Variants in CACNA1H observed in about 807,000 individuals in gnomAD.
The protein encoded by CACNA1H is calcium voltage-gated channel subunit alpha1 H.
Under a neutral mutation model 192.5 loss-of-function variants are expected in CACNA1H, and 149 were observed. The observed-to-expected ratio is 0.77, with a 90% CI of 0.68 to 0.89. CACNA1H has a LOEUF of 0.89. Among genes scored for constraint, CACNA1H ranks in the 40% least tolerant of loss-of-function variants. The probability of loss-of-function intolerance (pLI) is 0.00; values close to 1 mark genes in which losing one functional copy is unlikely to be tolerated. For missense variants in CACNA1H, 4,257 were observed against 3,423.5 expected (o/e 1.24, Z -6.08); for synonymous variants, 2,202 against 1,475.2 (o/e 1.49, Z -11.29).
intron 2 of CACNA1H, among the ~76,000 whole-genome samples, chr16:1,181,292 C>T (rs1195236235): frequency 1.3e-5 from 2 of 152,242 alleles, no homozygotes; most frequent in East Asian, 1.9e-4. Context: ...ATGGCCGGCC[C>T]CTCCACCTCC....
At chr16:1,218,098 C>T in intron 32 of CACNA1H, 58 bp downstream of exon 32, 2 of 1,566,190 alleles carry the variant, frequency 1.3e-6, no homozygotes, top group South Asian at 1.2e-5. Flanking sequence ...TTCAGGCTCT[C>T]CCAGGAACGG....
At chr16:1,194,591 G>C (rs974269512) in intron 2 of CACNA1H, among the ~76,000 whole-genome samples, 4 of 152,196 alleles carry the variant, frequency 2.6e-5, no homozygotes, top group Non-Finnish European at 5.9e-5. Flanking sequence ...CCCCCAGCGC[G>C]GGAGCCCTAT....
At chr16:1,171,059 C>T (rs907398527) in intron 2 of CACNA1H, among the ~76,000 whole-genome samples, 1 of 152,142 alleles carries the variant, frequency 6.6e-6, no homozygotes, top group Non-Finnish European at 1.5e-5. Flanking sequence ...CCTCTTCCTG[C>T]ACACCCTTGG....
intron 2 of CACNA1H, among the ~76,000 whole-genome samples, chr16:1,194,382 C>T (rs1966842474): frequency 6.6e-6 from 1 of 152,196 alleles, no homozygotes; most frequent in East Asian, 1.9e-4. Flanking sequence ...TTGCCTCTCC[C>T]TCCTTCCTCT....
chr16:1,195,100 G>C lies in CACNA1H; in HGVS notation c.411+17G>C, dbSNP rs905191886. 6.4e-7 allele frequency: 1 copy of C among 1,552,788 alleles called. No homozygotes were observed. The highest frequency in any genetic ancestry group is 8.9e-7 in the Non-Finnish European group (1 of 1,129,072). On this transcript the variant is annotated intron_variant, in intron 3 of 34. Coordinates refer to ENST00000348261, the MANE Select transcript of CACNA1H (RefSeq NM_021098.3). ...ATCCTGGAGGTGAGGGGCGTGGGTCGGGGTGGGGAAGGAGCGTGGGTCGCT... is the reference window on the plus strand; with the variant it reads ...ATCCTGGAGGTGAGGGGCGTGGGTCCGGGTGGGGAAGGAGCGTGGGTCGCT...
At chr16:1,177,049 G>T (rs780488894) in intron 2 of CACNA1H, among the ~76,000 whole-genome samples, 13 of 152,086 alleles carry the variant, frequency 8.5e-5, no homozygotes, top group African/African-American at 3.1e-4. Flanking sequence ...CAGGCCCTCC[G>T]CACCTTCTCT....
At chr16:1,168,741 G>C (rs1462374185) in intron 2 of CACNA1H, among the ~76,000 whole-genome samples, 1 of 152,140 alleles carries the variant, frequency 6.6e-6, no homozygotes, top group African/African-American at 2.4e-5. Flanking sequence ...GCCCCACTCT[G>C]GGTGCCTTGT....
chr16:1,168,569 G>GGT (rs1596312397), intron 2 of CACNA1H, among the ~76,000 whole-genome samples: 1 of 152,194 alleles, frequency 6.6e-6, no homozygotes, highest in East Asian at 1.9e-4. Context: ...GGTGGTGACA[G>GGT]GTGGGGTCGT....
rs1008882921 is a variant in CACNA1H, at chr16:1,218,467, G to T, written c.5703G>T (p.Leu1901Phe). 1 of 1,551,464 alleles carries T rather than the reference G, an allele frequency of 6.4e-7. No homozygotes were observed. Among genetic ancestry groups the T allele is most frequent in the Non-Finnish European group, 8.7e-7 (1 of 1,147,772 alleles). The change falls in exon 33 of 35, where the codon TTG becomes TTT. Residue 1901 changes from leucine (L) to phenylalanine (F), a missense_variant. Leu to Phe is a conservative substitution (Grantham distance 22). Transcript: ENST00000348261. ...ARRVDADRPP[L>F]PQESPGARDA... ...GGGTGGACGCGGACAGGCCTCCCTTGCCCCAGGAGAGTCCGGGCGCCAGGG... is the reference window on the plus strand; with the variant it reads ...GGGTGGACGCGGACAGGCCTCCCTTTCCCCAGGAGAGTCCGGGCGCCAGGG...
intron 2 of CACNA1H, among the ~76,000 whole-genome samples, chr16:1,181,427 G>A (rs1200754350): frequency 6.6e-6 from 1 of 152,244 alleles, no homozygotes; most frequent in African/African-American, 2.4e-5. Context: ...GAGAGTCTGG[G>A]GGTCTGCTCC....
intron 3 of CACNA1H, 63 bp from the exon 4 acceptor site, chr16:1,195,369 G>A (rs1171548842): frequency 6.5e-7 from 1 of 1,545,634 alleles, no homozygotes; most frequent in African/African-American, 1.4e-5. Context: ...TGCGGGGCTG[G>A]GGTTGGGGGT....
In CACNA1H at chr16:1,206,270, C is replaced by G. The variant is rs2141298038; in HGVS notation, c.2770C>G (p.Leu924Val). Residue 924 changes from leucine to valine, a missense_variant, in exon 12 of 35, where the codon CTC becomes GTC. Coordinates refer to ENST00000348261, the MANE Select transcript of CACNA1H (RefSeq NM_021098.3). ...GGCTACCTTCTGCACGCTGCTCATG[C>G]TCTTCATTTTCATCTTCAGGTGGGC... is the stretch of plus-strand genomic sequence containing the variant. ...NVATFCTLLMLFIFIFSILGM... is the reference protein window; with the variant it reads ...NVATFCTLLMVFIFIFSILGM... The G allele has an allele frequency of 6.4e-7, 1 of 1,562,164 alleles. No individual in the cohort carries two copies. Among genetic ancestry groups the G allele is most frequent in the Non-Finnish European group, 8.7e-7 (1 of 1,154,368 alleles).
In CACNA1H at chr16:1,202,306, CAG is replaced by C. The variant is rs759709148; in HGVS notation, c.1857_1858del (p.Val621GlyfsTer34). ...ATGAACTACCCCACGATCCTGCCCTCAGGGGTGGGCAGCGGCAAAGGCAGCAC... is the reference window on the plus strand; with the variant it reads ...ATGAACTACCCCACGATCCTGCCCTCGGGTGGGCAGCGGCAAAGGCAGCAC... On this transcript the variant is annotated frameshift_variant, in exon 9 of 35. Coordinates refer to ENST00000348261, the MANE Select transcript of CACNA1H (RefSeq NM_021098.3). LOFTEE classifies it high-confidence loss of function. 64 of 1,584,120 alleles carry C rather than the reference CAG, an allele frequency of 4.0e-5. No homozygotes were observed. The highest frequency in any genetic ancestry group is 1.7e-4 in the Middle Eastern group (1 of 6,056).
At position 1,210,442 on chromosome 16, in the gene CACNA1H, C is replaced by T. The variant is rs1195392268; in HGVS notation, c.3918C>T (p.Leu1306=). ...FDHVVLVFIF[L]NCVTIALERP... is the part of the protein sequence containing the mutation. ...ACGTGGTCCTCGTCTTCATCTTCCT[C>T]AACTGCGTCACCATCGCCCTGGAGA... is the stretch of plus-strand genomic sequence containing the variant. Residue 1306 remains leucine, a synonymous_variant, in exon 19 of 35, where the codon CTC becomes CTT. Transcript: ENST00000348261. The T allele has an allele frequency of 5.6e-6, 9 of 1,608,872 alleles. No individual in the cohort carries two copies. The highest frequency in any genetic ancestry group is 1.3e-5 in the African/African-American group (1 of 74,632).
chr16:1,218,139 G>C, intron 32 of CACNA1H, 71 bp from the exon 33 acceptor site: 1 of 1,533,344 alleles, frequency 6.5e-7, no homozygotes, highest in Non-Finnish European at 8.8e-7. Flanking sequence ...GCAGGGGGAA[G>C]GGGACGGCAC....
rs199536759 is a variant in CACNA1H, at chr16:1,207,165, C to G, written c.2907+47C>G. Reference sequence around the variant, plus strand: ...GCAGTGTTGGGTGCTGAGTGTGGTCCCCAGAGAGGTGGAGGTGCCGTCCTG... The same window carrying G: ...GCAGTGTTGGGTGCTGAGTGTGGTCGCCAGAGAGGTGGAGGTGCCGTCCTG... On this transcript the variant is annotated intron_variant, in intron 13 of 34. Transcript: ENST00000348261. 1.7e-5 allele frequency: 27 copies of G among 1,550,968 alleles called. No individual in the cohort carries two copies. The African/African-American group carries it at 2.6e-4, about 15-fold the overall frequency.
intron 6 of CACNA1H, 150 bp downstream of exon 6, chr16:1,198,924 A>G: frequency 2.8e-6 from 2 of 706,398 alleles, no homozygotes; most frequent in South Asian, 1.8e-5. Context: ...GGCTCCGTCC[A>G]CCATGCTGTC....
At position 1,201,899 on chromosome 16, in the gene CACNA1H, G is replaced by A; in HGVS notation, c.1449G>A (p.Gln483=). The A allele has an allele frequency of 1.3e-6, 2 of 1,550,814 alleles. No individual in the cohort carries two copies. The highest frequency in any genetic ancestry group is 8.7e-7 in the Non-Finnish European group (1 of 1,147,294). Residue 483 remains glutamine, a synonymous_variant, in exon 9 of 35, where the codon CAG becomes CAA. Coordinates refer to ENST00000348261, the MANE Select transcript of CACNA1H (RefSeq NM_021098.3). ...GCTTGCGCCTCTACGCCCGCTGGCAGAGCCGCTGGCGCAAGAAGGTGGACC... is the reference window on the plus strand; with the variant it reads ...GCTTGCGCCTCTACGCCCGCTGGCAAAGCCGCTGGCGCAAGAAGGTGGACC... ...RRSLRLYARW[Q]SRWRKKVDPS...
intron 2 of CACNA1H, among the ~76,000 whole-genome samples, chr16:1,192,777 G>C (rs1005180556): frequency 6.6e-6 from 1 of 152,192 alleles, no homozygotes; most frequent in Non-Finnish European, 1.5e-5. Context: ...GGAGAAATCG[G>C]GCAATGGCTG....
Sources: gnomAD v4.1 joint callset for allele counts (sites outside exome capture counted in the v4.1 genomes callset) on GRCh38, gnomAD v4.1.1 for gene constraint, MANE v1.5 for transcripts, NCBI Gene and HGNC (gene_info 2026-07-23, HGNC 2026-07-21) for gene names.